Variants in RTN4IP1 observed in about 807,000 individuals in gnomAD.
RTN4IP1 encodes reticulon 4 interacting protein 1.
In RTN4IP1, 32 loss-of-function variants were observed where a neutral mutation model predicts 46.6. That is an observed-to-expected ratio of 0.69 (90% CI 0.52 to 0.92). The LOEUF is 0.92. RTN4IP1 is among the 40% of genes least tolerant of loss of function. The pLI, the probability that RTN4IP1 is intolerant of heterozygous loss-of-function variation, is 0.00. For missense variants in RTN4IP1, 424 were observed against 485.8 expected (o/e 0.87, Z 1.20); for synonymous variants, 167 against 161.8 (o/e 1.03, Z -0.24).
At chr6:106,577,338 T>C (rs958207980) in intron 8 of RTN4IP1, among the ~76,000 whole-genome samples, 6 of 144,642 alleles carry the variant, frequency 4.1e-5, no homozygotes, top group Non-Finnish European at 7.5e-5. Flanking sequence ...GGTAGTGCTA[T>C]ATGGGGGGCT....
chr6:106,607,123 CA>C (rs1300779239), intron 4 of RTN4IP1, among the ~76,000 whole-genome samples: 1 of 152,046 alleles, frequency 6.6e-6, no homozygotes, highest in Non-Finnish European at 1.5e-5. Context: ...TGATTTATGA[CA>C]AAGGCAACAA....
rs1562156198 is a variant in RTN4IP1, at chr6:106,622,887, CAG to C, written c.355_356del (p.Leu119GlyfsTer14). ...KIKGEEFPLT[L>X]GRDVSGVVME... ...TCACCACGCCAGAGACATCCCGACC[CAG>C]AGTCAGAGGAAATTCTTCTCCTTTG... On this transcript the variant is annotated frameshift_variant, in exon 2 of 9. Coordinates refer to ENST00000369063, the MANE Select transcript of RTN4IP1 (RefSeq NM_032730.5). LOFTEE classifies it high-confidence loss of function. 6.2e-7 allele frequency: 1 copy of C among 1,614,162 alleles called. No homozygotes were observed. Among genetic ancestry groups the C allele is most frequent in the African/African-American group, 1.3e-5 (1 of 75,046 alleles).
chr6:106,609,408 A>G (rs1185803716), intron 4 of RTN4IP1, among the ~76,000 whole-genome samples: 2 of 152,094 alleles, frequency 1.3e-5, no homozygotes, highest in African/African-American at 4.8e-5. Context: ...TAAAAAATAA[A>G]TTATCTAGGT....
intron 8 of RTN4IP1, 113 bp from the exon 9 acceptor site, chr6:106,572,216 T>C (rs554900523): frequency 1.2e-6 from 1 of 851,560 alleles, no homozygotes; most frequent in South Asian, 1.5e-5. Flanking sequence ...CTCTCTCAAG[T>C]GTCTCTCCAG....
chr6:106,612,976 TTGC>T (rs1776267009), intron 4 of RTN4IP1, among the ~76,000 whole-genome samples: 1 of 152,224 alleles, frequency 6.6e-6, no homozygotes, highest in Admixed American at 6.5e-5. Context: ...GTAACTGGCC[TTGC>T]TGAGAATTAA....
chr6:106,620,385 G>A (rs564491172), intron 3 of RTN4IP1, among the ~76,000 whole-genome samples: 2 of 152,272 alleles, frequency 1.3e-5, no homozygotes, highest in African/African-American at 4.8e-5. Context: ...TTACAGGTGT[G>A]AGCCACTGCA....
chr6:106,585,259 A>T (rs2114631000), intron 7 of RTN4IP1, among the ~76,000 whole-genome samples: 1 of 152,354 alleles, frequency 6.6e-6, no homozygotes, highest in Non-Finnish European at 1.5e-5. Context: ...GGATTGCTTG[A>T]GGCTAGGAGT....
intron 7 of RTN4IP1, among the ~76,000 whole-genome samples, chr6:106,586,827 G>A (rs1030214449): frequency 6.6e-6 from 1 of 152,140 alleles, no homozygotes; most frequent in African/African-American, 2.4e-5. Context: ...GAGAGCAGAC[G>A]CTCAAGCTCT....
intron 8 of RTN4IP1, among the ~76,000 whole-genome samples, chr6:106,575,201 C>G (rs1775194324): frequency 6.6e-6 from 1 of 152,236 alleles, no homozygotes; most frequent in Admixed American, 6.5e-5. Context: ...TATAGTCCAC[C>G]TGGCACAGGG....
chr6:106,577,447 CAAAAAAAAAAAAAAA>C (rs58921891), intron 8 of RTN4IP1, among the ~76,000 whole-genome samples: 1 of 55,410 alleles, frequency 1.8e-5, no homozygotes, highest in African/African-American at 7.9e-5. Context: ...GACCCTGTCT[CAAAAAAAAAAAAAAA>C]AAAAAAAAAA....
At chr6:106,619,393 T>C (rs779232723) in intron 3 of RTN4IP1, 67 bp from the exon 4 acceptor site, 1 of 1,576,250 alleles carries the variant, frequency 6.3e-7, no homozygotes, top group Non-Finnish European at 8.7e-7. Flanking sequence ...ATTAAGCACA[T>C]TTACCTTCAC....
chr6:106,572,052 A>G lies in RTN4IP1; in HGVS notation c.1135T>C (p.Phe379Leu). The G allele has an allele frequency of 1.2e-6, 2 of 1,614,090 alleles. No individual in the cohort carries two copies. The highest frequency in any genetic ancestry group is 2.2e-5 in the East Asian group (1 of 44,880). Residue 379 changes from phenylalanine to leucine, a missense_variant, in exon 9 of 9, where the codon TTC becomes CTC. By Grantham distance (22) the Phe-to-Leu change is conservative. Transcript: ENST00000369063. ...GCGTGTCCTCTTTCCACCTTCAGGAAGGCTTCTGGAACTTTAGAAAAAGGA... is the reference window on the plus strand; with the variant it reads ...GCGTGTCCTCTTTCCACCTTCAGGAGGGCTTCTGGAACTTTAGAAAAAGGA... Reference protein sequence around the residue: ...TFPFSKVPEAFLKVERGHARG... With the variant: ...TFPFSKVPEALLKVERGHARG...
intron 7 of RTN4IP1, among the ~76,000 whole-genome samples, chr6:106,583,952 G>C (rs927141356): frequency 6.6e-6 from 1 of 152,248 alleles, no homozygotes; most frequent in African/African-American, 2.4e-5. Context: ...AAAGTGCAAA[G>C]TTCCTTATAC....
At chr6:106,594,220 C>T (rs1775728719) in intron 5 of RTN4IP1, among the ~76,000 whole-genome samples, 1 of 152,028 alleles carries the variant, frequency 6.6e-6, no homozygotes, top group African/African-American at 2.4e-5. Flanking sequence ...ATAGAAAACA[C>T]CTATAGACGG....
intron 1 of RTN4IP1, 81 bp downstream of exon 1, chr6:106,628,667 A>G: frequency 7.9e-7 from 1 of 1,260,244 alleles, no homozygotes; most frequent in Non-Finnish European, 1.1e-6. Flanking sequence ...AAACCAAAGA[A>G]GCGTAGTCAA....
intron 4 of RTN4IP1, among the ~76,000 whole-genome samples, chr6:106,616,108 G>A (rs1267555307): frequency 3.3e-5 from 5 of 152,032 alleles, no homozygotes; most frequent in African/African-American, 4.8e-5. Context: ...TAGTAGCGAC[G>A]GGGTTTCACC....
chr6:106,607,432 G>C (rs1776112806), intron 4 of RTN4IP1, among the ~76,000 whole-genome samples: 1 of 150,760 alleles, frequency 6.6e-6, no homozygotes. Context: ...CCAATGAAGA[G>C]ACAACCTGTA....
chr6:106,572,415 G>C, intron 8 of RTN4IP1: 1 of 278,498 alleles, frequency 3.6e-6, no homozygotes. Context: ...ATAGCATCCT[G>C]AGCTCAGCCC....
chr6:106,627,141 GAAA>G (rs11387767), intron 1 of RTN4IP1, among the ~76,000 whole-genome samples: 13 of 146,880 alleles, frequency 8.9e-5, no homozygotes, highest in South Asian at 2.1e-4. Context: ...AAAGGTAGGA[GAAA>G]AAAAAAAAGA....
Sources: gnomAD v4.1 joint callset for allele counts (sites outside exome capture counted in the v4.1 genomes callset) on GRCh38, gnomAD v4.1.1 for gene constraint, MANE v1.5 for transcripts, NCBI Gene and HGNC (gene_info 2026-07-23, HGNC 2026-07-21) for gene names.